Variants in EPHB1 observed in about 807,000 individuals in gnomAD.
EPHB1 encodes EPH receptor B1, also known as ephrin type-B receptor 1.
In EPHB1, 30 loss-of-function variants were observed where a neutral mutation model predicts 94.4. That is an observed-to-expected ratio of 0.32 (90% CI 0.24 to 0.43). EPHB1 has a LOEUF of 0.43. EPHB1 is among the 20% of genes least tolerant of loss of function. The pLI, the probability that EPHB1 is intolerant of heterozygous loss-of-function variation, is 1.00. For missense variants in EPHB1, 1,055 were observed against 1,308.3 expected (o/e 0.81, Z 2.99); for synonymous variants, 522 against 489.1 (o/e 1.07, Z -0.89).
intron 3 of EPHB1, among the ~76,000 whole-genome samples, chr3:134,966,964 C>T (rs1184313606): frequency 6.6e-6 from 1 of 152,192 alleles, no homozygotes; most frequent in Non-Finnish European, 1.5e-5. Context: ...GATGGGGGCA[C>T]CTGCATGGCA....
intron 4 of EPHB1, among the ~76,000 whole-genome samples, chr3:135,113,715 C>A (rs550174835): frequency 2.0e-5 from 3 of 152,294 alleles, no homozygotes; most frequent in Admixed American, 2.0e-4. Context: ...CAATGCTCAG[C>A]AGGCCAGTGA....
chr3:134,934,332 G>A (rs1170837335), intron 2 of EPHB1, among the ~76,000 whole-genome samples: 1 of 152,208 alleles, frequency 6.6e-6, no homozygotes, highest in Non-Finnish European at 1.5e-5. Flanking sequence ...AAAGGCTTGA[G>A]GGCCTTGGGT....
At position 134,944,848 on chromosome 3, in the gene EPHB1, T is replaced by C. The variant is rs115936841; in HGVS notation, c.124-6523T>C. Among the ~76,000 whole-genome samples, 1,245 of 152,338 alleles carry C rather than the reference T, an allele frequency of 8.2e-3. 11 individuals are homozygous for C. Among genetic ancestry groups the C allele is most frequent in the African/African-American group, 0.029 (1,187 of 41,568 alleles). On this transcript the variant is annotated intron_variant, in intron 2 of 15. Transcript: ENST00000398015. ...ATAATTTTGATAAATAAAACCAAAATTTCCATAGAAGTTGTACAAATTTCC... is the reference window on the plus strand; with the variant it reads ...ATAATTTTGATAAATAAAACCAAAACTTCCATAGAAGTTGTACAAATTTCC...
intron 1 of EPHB1, among the ~76,000 whole-genome samples, chr3:134,835,187 T>C (rs1296719241): frequency 1.3e-5 from 2 of 152,132 alleles, no homozygotes; most frequent in Non-Finnish European, 2.9e-5. Flanking sequence ...CACTCCTAAT[T>C]GTAGTGCTTT....
intron 3 of EPHB1, among the ~76,000 whole-genome samples, chr3:135,005,890 C>T (rs1231650065): frequency 1.3e-5 from 2 of 152,222 alleles, no homozygotes; most frequent in Non-Finnish European, 2.9e-5. Flanking sequence ...CCCAGTACCT[C>T]AGATGGAAAT....
chr3:135,229,800 T>C (rs938353754), intron 12 of EPHB1, among the ~76,000 whole-genome samples: 4 of 152,186 alleles, frequency 2.6e-5, no homozygotes, highest in African/African-American at 9.6e-5. Flanking sequence ...CTGTATTGCC[T>C]GCCGTAGCAA....
chr3:135,088,130 C>T (rs555321909), intron 3 of EPHB1, among the ~76,000 whole-genome samples: 10 of 152,266 alleles, frequency 6.6e-5, no homozygotes, highest in African/African-American at 2.4e-4. Context: ...CTTTCCTAAG[C>T]CTCTCGTCTG....
chr3:134,902,242 A>G (rs1044940538), intron 1 of EPHB1, among the ~76,000 whole-genome samples: 4 of 152,116 alleles, frequency 2.6e-5, no homozygotes, highest in Non-Finnish European at 1.5e-5. Flanking sequence ...AGATGGAATT[A>G]TTGGGAGATA....
chr3:135,182,727 A>G (rs1336819730), intron 10 of EPHB1, among the ~76,000 whole-genome samples: 2 of 152,354 alleles, frequency 1.3e-5, no homozygotes, highest in East Asian at 3.9e-4. Flanking sequence ...ATAGTGACAG[A>G]AGAGGAAAAC....
chr3:134,858,190 A>G (rs1433009024), intron 1 of EPHB1, among the ~76,000 whole-genome samples: 1 of 147,964 alleles, frequency 6.8e-6, no homozygotes, highest in East Asian at 2.0e-4. Flanking sequence ...CATCATCATC[A>G]TCATCATCTC....
chr3:135,096,926 T>C (rs554542122), intron 3 of EPHB1, among the ~76,000 whole-genome samples: 19 of 151,854 alleles, frequency 1.3e-4, no homozygotes, highest in Admixed American at 2.6e-4. Context: ...TGAAACCCCG[T>C]CTCTACTTAA....
At position 135,163,439 on chromosome 3, in the gene EPHB1, T is replaced by C. The variant is rs575088688; in HGVS notation, c.1585+1259T>C. On this transcript the variant is annotated intron_variant, in intron 7 of 15. Transcript: ENST00000398015. ...AGTTTGCAATCTATTGTGAGTTTATTTGAGGTGGACTTTCTCTCATATTTT... is the reference window on the plus strand; with the variant it reads ...AGTTTGCAATCTATTGTGAGTTTATCTGAGGTGGACTTTCTCTCATATTTT... 2.6e-4 allele frequency among the ~76,000 whole-genome samples: 40 copies of C among 152,310 alleles called. No individual in the cohort carries two copies. In the South Asian group the frequency reaches 7.0e-3, roughly 27 times the overall value.
At chr3:135,024,651 A>T (rs1936086735) in intron 3 of EPHB1, among the ~76,000 whole-genome samples, 1 of 152,036 alleles carries the variant, frequency 6.6e-6, no homozygotes, top group African/African-American at 2.4e-5. Flanking sequence ...GCAGCTTTTC[A>T]TTTCGTAAAT....
At chr3:135,177,602 G>T (rs1048079727) in intron 9 of EPHB1, among the ~76,000 whole-genome samples, 44 of 152,224 alleles carry the variant, frequency 2.9e-4, no homozygotes, top group African/African-American at 1.0e-3. Context: ...ACCCACAGTG[G>T]TCAGTGGCTT....
intron 1 of EPHB1, among the ~76,000 whole-genome samples, chr3:134,906,687 T>C (rs891738053): frequency 2.0e-4 from 30 of 152,210 alleles, no homozygotes; most frequent in African/African-American, 7.2e-4. Context: ...GCCTAACATA[T>C]GAAGTTTGCC....
chr3:134,859,009 A>C (rs1560267998), intron 1 of EPHB1, among the ~76,000 whole-genome samples: 1 of 152,228 alleles, frequency 6.6e-6, no homozygotes, highest in South Asian at 2.1e-4. Context: ...CGGTGACTGA[A>C]GTGAGCTGAG....
intron 12 of EPHB1, among the ~76,000 whole-genome samples, chr3:135,225,053 G>A (rs187544916): frequency 2.0e-5 from 3 of 152,120 alleles, no homozygotes; most frequent in Admixed American, 2.0e-4. Context: ...AGCACGTTGA[G>A]GGGGGAAGCA....
rs1354189940 is a variant in EPHB1 at position 134,951,178 on chromosome 3, AT to A, written c.124-192del. Among the ~76,000 whole-genome samples the A allele has an allele frequency of 6.6e-6, 1 of 152,196 alleles. No homozygotes were observed. The highest frequency in any genetic ancestry group is 1.5e-5 in the Non-Finnish European group (1 of 68,030). ...ATATTTTGGGATGGGCTGCAAAAAA[AT>A]CTGAAGTTTTCTTATAAGATCTTTA... On this transcript the variant is annotated intron_variant, in intron 2 of 15. Coordinates refer to ENST00000398015, the MANE Select transcript of EPHB1 (RefSeq NM_004441.5). The surrounding 1 kb of genome is among the most constrained non-coding windows in gnomAD (Gnocchi z 4.5).
At chr3:134,814,754 A>G (rs1055463220) in intron 1 of EPHB1, among the ~76,000 whole-genome samples, 1 of 152,246 alleles carries the variant, frequency 6.6e-6, no homozygotes, top group Admixed American at 6.5e-5. Context: ...CCCAAGTCCC[A>G]GGGTCCAGTT....
Sources: allele counts gnomAD v4.1 joint callset (sites outside exome capture counted in the v4.1 genomes callset), GRCh38; gene constraint gnomAD v4.1.1; non-coding constraint Gnocchi (gnomAD v3.1); transcripts MANE v1.5; gene names NCBI Gene and HGNC (gene_info 2026-07-23, HGNC 2026-07-21).